Variants in AUTS2 observed in about 807,000 individuals in gnomAD.
AUTS2 encodes the protein activator of transcription and developmental regulator AUTS2.
A neutral mutation model predicts 112.4 loss-of-function variants in AUTS2; 17 were observed. That is an observed-to-expected ratio of 0.15 (90% CI 0.10 to 0.23). The LOEUF (loss-of-function observed/expected upper bound fraction) is 0.23, where lower values mean the gene tolerates loss of function less well. AUTS2 is among the 10% of genes least tolerant of loss of function. AUTS2 has a pLI of 1.00. For synonymous variants in AUTS2, 751 were observed against 702.7 expected (o/e 1.07, Z -1.09); for missense variants, 1,510 against 1,701.6 (o/e 0.89, Z 1.98).
chr7:69,641,702 CA>C (rs1465130298), intron 1 of AUTS2, among the ~76,000 whole-genome samples: 1 of 152,200 alleles, frequency 6.6e-6, no homozygotes, highest in African/African-American at 2.4e-5. Flanking sequence ...ATTTCAGTTA[CA>C]TTTTTTAAGG....
At chr7:69,729,792 T>G (rs1471557106) in intron 1 of AUTS2, among the ~76,000 whole-genome samples, 2 of 152,056 alleles carry the variant, frequency 1.3e-5, no homozygotes, top group Admixed American at 1.3e-4. Context: ...ATAGGGTGTA[T>G]TTACCTTAAG....
chr7:70,645,019 G>T (rs546047219), intron 5 of AUTS2, among the ~76,000 whole-genome samples: 1 of 152,328 alleles, frequency 6.6e-6, no homozygotes, highest in Non-Finnish European at 1.5e-5. Flanking sequence ...GTATTGGAAT[G>T]ATCTCTGGGT....
intron 6 of AUTS2, among the ~76,000 whole-genome samples, chr7:70,706,478 A>G (rs4718984): frequency 0.13 from 20,220 of 152,246 alleles, 1,927 homozygotes; most frequent in East Asian, 0.45. Context: ...AAGGGAAAGC[A>G]AACCCTGCAT....
chr7:69,663,184 A>G, intron 1 of AUTS2: 1 of 152,182 alleles, frequency 6.6e-6, no homozygotes. Flanking sequence ...CTTATTGTCA[A>G]ATAGCTTTAT....
At position 70,722,904 on chromosome 7, in the gene AUTS2, T is replaced by C. The variant is rs376499632; in HGVS notation, c.742+24284T>C. ...CTTATTTTTACTTTTGAAGACCCAG[T>C]GGGCCTGTTCATCCTTTGTCATGTT... On this transcript the variant is annotated intron_variant, in intron 6 of 18. Transcript: ENST00000342771. 2.0e-5 allele frequency among the ~76,000 whole-genome samples: 3 copies of C among 152,204 alleles called. No individual in the cohort carries two copies. In the East Asian group the frequency reaches 5.8e-4, roughly 29 times the overall value.
At chr7:70,378,055 C>A (rs138251876) in intron 4 of AUTS2, among the ~76,000 whole-genome samples, 1 of 151,986 alleles carries the variant, frequency 6.6e-6, no homozygotes, top group African/African-American at 2.4e-5. Context: ...GTATTACAGG[C>A]GTGAGCCACC....
intron 4 of AUTS2, among the ~76,000 whole-genome samples, chr7:70,391,461 A>G (rs1793853010): frequency 6.6e-6 from 1 of 152,206 alleles, no homozygotes; most frequent in Non-Finnish European, 1.5e-5. Context: ...AGTCCCCTAC[A>G]TTGAACTGTT....
At chr7:70,634,097 AC>A (rs1289860184) in intron 5 of AUTS2, among the ~76,000 whole-genome samples, 1 of 152,076 alleles carries the variant, frequency 6.6e-6, no homozygotes, top group Non-Finnish European at 1.5e-5. Flanking sequence ...AGTGAACAAA[AC>A]CAGCAAAAGG....
At chr7:70,744,085 A>C (rs1788289650) in intron 6 of AUTS2, among the ~76,000 whole-genome samples, 1 of 149,474 alleles carries the variant, frequency 6.7e-6, no homozygotes. Flanking sequence ...CACTTTTCTG[A>C]CTGAGTCCAA....
chr7:70,135,734 C>A (rs916667805), intron 4 of AUTS2, among the ~76,000 whole-genome samples: 6 of 152,120 alleles, frequency 3.9e-5, no homozygotes, highest in Non-Finnish European at 8.8e-5. Flanking sequence ...AGCACACTTA[C>A]CCTTGCTCCT....
intron 4 of AUTS2, among the ~76,000 whole-genome samples, chr7:70,255,435 A>T (rs183351531): frequency 1.1e-4 from 16 of 152,336 alleles, no homozygotes; most frequent in Admixed American, 7.8e-4. Flanking sequence ...TTGCAAAAAA[A>T]AATAATGATG....
At chr7:70,103,400 T>C (rs2129569921) in intron 2 of AUTS2, among the ~76,000 whole-genome samples, 1 of 152,046 alleles carries the variant, frequency 6.6e-6, no homozygotes, top group Middle Eastern at 3.4e-3. Context: ...GTACAGCAAA[T>C]AGTAGGCACT....
At chr7:69,972,060 G>A (rs796379987) in intron 2 of AUTS2, among the ~76,000 whole-genome samples, 8 of 152,222 alleles carry the variant, frequency 5.3e-5, no homozygotes, top group African/African-American at 1.9e-4. Flanking sequence ...CACTGTATTA[G>A]CGATTCCGTT....
chr7:70,285,617 T>TA (rs1788422506), intron 4 of AUTS2, among the ~76,000 whole-genome samples: 2 of 152,238 alleles, frequency 1.3e-5, no homozygotes, highest in African/African-American at 2.4e-5. Flanking sequence ...CTTCTTCAGC[T>TA]GCTTCCATGT....
intron 1 of AUTS2, among the ~76,000 whole-genome samples, chr7:69,836,246 T>C (rs977317496): frequency 6.6e-6 from 1 of 152,200 alleles, no homozygotes; most frequent in Non-Finnish European, 1.5e-5. Context: ...ATACACCATG[T>C]TATCCTTTTA....
intron 4 of AUTS2, among the ~76,000 whole-genome samples, chr7:70,308,612 T>G (rs955649937): frequency 3.3e-5 from 5 of 152,334 alleles, no homozygotes; most frequent in African/African-American, 1.2e-4. Context: ...GAGAAGAATT[T>G]AGCCTTAAAT....
At chr7:70,707,377 G>A (rs533820258) in intron 6 of AUTS2, among the ~76,000 whole-genome samples, 1 of 152,254 alleles carries the variant, frequency 6.6e-6, no homozygotes, top group African/African-American at 2.4e-5. Context: ...CCAAGGTCGC[G>A]CACCTAGTAA....
In AUTS2 at chr7:70,632,307, C is replaced by T. The variant is rs183569084; in HGVS notation, c.691-66262C>T. On this transcript the variant is annotated intron_variant, in intron 5 of 18. Coordinates refer to ENST00000342771, the MANE Select transcript of AUTS2 (RefSeq NM_015570.4). ...GAAGGAGGCCCCAGCGAAAGGCAGC[C>T]GGGGGATTCGGTTTCCTCTAGGTCC... Among the ~76,000 whole-genome samples the T allele has an allele frequency of 6.6e-3, 1,004 of 152,174 alleles. 10 individuals carry two copies. Among genetic ancestry groups the T allele is most frequent in the African/African-American group, 0.023 (955 of 41,530 alleles).
chr7:69,869,536 A>G (rs1324255212), intron 1 of AUTS2, among the ~76,000 whole-genome samples: 1 of 151,948 alleles, frequency 6.6e-6, no homozygotes, highest in African/African-American at 2.4e-5. Flanking sequence ...TCATATATAT[A>G]TATATATACA....
Sources: gnomAD v4.1 joint callset for allele counts (sites outside exome capture counted in the v4.1 genomes callset) on GRCh38, gnomAD v4.1.1 for gene constraint, MANE v1.5 for transcripts, NCBI Gene and HGNC (gene_info 2026-07-23, HGNC 2026-07-21) for gene names.